SOX5: variants seen among roughly 807,000 people sequenced by gnomAD.
SOX5 encodes SRY-box transcription factor 5, also known as transcription factor SOX-5.
SOX5 carries 9 observed loss-of-function variants against 92.0 expected under a neutral mutation model. That is an observed-to-expected ratio of 0.10 (90% CI 0.06 to 0.17). The LOEUF is 0.17. SOX5 is among the 10% of genes least tolerant of loss of function. SOX5 has a pLI of 1.00. For missense variants in SOX5, 642 were observed against 944.5 expected (o/e 0.68, Z 4.20); for synonymous variants, 344 against 336.3 (o/e 1.02, Z -0.25).
chr12:24,260,379 G>A (rs1941910941), intron 3 of SOX5, among the ~76,000 whole-genome samples: 1 of 152,150 alleles, frequency 6.6e-6, no homozygotes, highest in Admixed American at 6.5e-5. Context: ...AATATCATAG[G>A]ATTGTTACGA....
chr12:23,955,877 T>C (rs1367743063), upstream of SOX5, among the ~76,000 whole-genome samples: 1 of 152,176 alleles, frequency 6.6e-6, no homozygotes, highest in African/African-American at 2.4e-5. Context: ...TCAGGGAACA[T>C]CCTGCAAGAC....
At chr12:23,626,804 T>A (rs951480484) in intron 8 of SOX5, among the ~76,000 whole-genome samples, 1 of 151,026 alleles carries the variant, frequency 6.6e-6, no homozygotes, top group African/African-American at 2.4e-5. Flanking sequence ...GATTCATACA[T>A]CACTTCTGAG....
At chr12:23,546,714 G>A (rs1162655314) in intron 11 of SOX5, among the ~76,000 whole-genome samples, 2 of 152,076 alleles carry the variant, frequency 1.3e-5, no homozygotes, top group African/African-American at 4.8e-5. Context: ...ATTACAAAAT[G>A]TGCACAGAAA....
intron 6 of SOX5, among the ~76,000 whole-genome samples, chr12:23,693,857 G>A (rs371881392): frequency 2.0e-5 from 3 of 152,044 alleles, no homozygotes; most frequent in Non-Finnish European, 2.9e-5. Context: ...TTATTAAAAC[G>A]TTTTTAATTT....
At chr12:24,276,911 A>T (rs924508982) in intron 3 of SOX5, among the ~76,000 whole-genome samples, 1 of 152,218 alleles carries the variant, frequency 6.6e-6, no homozygotes, top group Non-Finnish European at 1.5e-5. Context: ...AACATTTTTC[A>T]GTGGAGAAAA....
chr12:23,645,813 A>G (rs536565410), intron 7 of SOX5, among the ~76,000 whole-genome samples: 1 of 152,304 alleles, frequency 6.6e-6, no homozygotes, highest in South Asian at 2.1e-4. Flanking sequence ...GCCATATTGT[A>G]TGTGTATAAA....
chr12:23,727,166 C>A (rs1385906108), intron 6 of SOX5, among the ~76,000 whole-genome samples: 1 of 151,950 alleles, frequency 6.6e-6, no homozygotes, highest in African/African-American at 2.4e-5. Flanking sequence ...GTTATAAAAC[C>A]AGGATTACAA....
At chr12:23,779,412 C>T (rs2095209300) in intron 3 of SOX5, among the ~76,000 whole-genome samples, 1 of 149,210 alleles carries the variant, frequency 6.7e-6, no homozygotes, top group Non-Finnish European at 1.5e-5. Context: ...CCATCAAGCA[C>T]ATCCAAATGA....
intron 4 of SOX5, among the ~76,000 whole-genome samples, chr12:24,028,940 T>A (rs1955185480): frequency 1.3e-5 from 2 of 152,020 alleles, no homozygotes; most frequent in Admixed American, 1.3e-4. Context: ...TGTTGAGGAT[T>A]TAAGTCAACA....
chr12:24,492,389 T>C (rs552374951), intron 1 of SOX5, among the ~76,000 whole-genome samples: 1 of 152,258 alleles, frequency 6.6e-6, no homozygotes, highest in Admixed American at 6.5e-5. Flanking sequence ...CAAGAGGAAA[T>C]ATTGTGCCTA....
At chr12:24,382,419 G>A (rs755888897) in intron 1 of SOX5, among the ~76,000 whole-genome samples, 10 of 151,968 alleles carry the variant, frequency 6.6e-5, no homozygotes, top group Non-Finnish European at 1.3e-4. Flanking sequence ...ATGGCGGAAG[G>A]GGAAGTCAAT....
At chr12:24,379,416 A>G (rs1232479644) in intron 1 of SOX5, among the ~76,000 whole-genome samples, 5 of 152,214 alleles carry the variant, frequency 3.3e-5, no homozygotes, top group Non-Finnish European at 7.3e-5. Flanking sequence ...GACGGATAGC[A>G]TGCACCCTCT....
chr12:23,598,720 C>T (rs1952925535), intron 9 of SOX5, among the ~76,000 whole-genome samples: 1 of 151,970 alleles, frequency 6.6e-6, no homozygotes, highest in South Asian at 2.1e-4. Flanking sequence ...ATATCTTTAA[C>T]AGATGTTTTT....
chr12:23,653,023 T>G (rs111560866), intron 7 of SOX5, among the ~76,000 whole-genome samples: 1,258 of 95,060 alleles, frequency 0.013, 17 homozygotes, highest in African/African-American at 0.051. Flanking sequence ...TGGATGAATG[T>G]ACAGATAGAT....
chr12:23,951,862 T>C (rs1945694325), upstream of SOX5, among the ~76,000 whole-genome samples: 1 of 152,174 alleles, frequency 6.6e-6, no homozygotes, highest in Non-Finnish European at 1.5e-5. Flanking sequence ...TTCTTGTTGT[T>C]AGTCTCAAAT....
chr12:23,620,500 A>C (rs1364147166), intron 8 of SOX5, among the ~76,000 whole-genome samples: 2 of 152,074 alleles, frequency 1.3e-5, no homozygotes, highest in African/African-American at 4.8e-5. Flanking sequence ...TCTTTATTTA[A>C]ATATTTCCTC....
At chr12:23,673,618 T>C (rs983098022) in intron 6 of SOX5, among the ~76,000 whole-genome samples, 7 of 152,266 alleles carry the variant, frequency 4.6e-5, no homozygotes, top group African/African-American at 1.2e-4. Context: ...TTCTAATTTG[T>C]GATGCTTTGC....
At chr12:23,877,477 A>C (rs568737782) in intron 2 of SOX5, among the ~76,000 whole-genome samples, 1 of 152,296 alleles carries the variant, frequency 6.6e-6, no homozygotes, top group Admixed American at 6.5e-5. Context: ...CATACAATTC[A>C]TCAAGATTCT....
intron 4 of SOX5, among the ~76,000 whole-genome samples, chr12:24,145,263 G>A (rs1057315438): frequency 2.6e-5 from 4 of 152,036 alleles, no homozygotes; most frequent in African/African-American, 9.7e-5. Flanking sequence ...TAATTTTTAA[G>A]AGGCAAGTAA....
Sources: allele counts gnomAD v4.1 joint callset (sites outside exome capture counted in the v4.1 genomes callset), GRCh38; gene constraint gnomAD v4.1.1; transcripts MANE v1.5; gene names NCBI Gene and HGNC (gene_info 2026-07-23, HGNC 2026-07-21).